Variants in AVEN observed in about 807,000 individuals in gnomAD.
The protein encoded by AVEN is cell death regulator Aven.
A neutral mutation model predicts 38.1 loss-of-function variants in AVEN; 41 were observed. That is an observed-to-expected ratio of 1.08 (90% CI 0.84 to 1.40). The LOEUF (loss-of-function observed/expected upper bound fraction) is 1.40. Among genes scored for constraint, AVEN ranks in the 40% most tolerant of loss-of-function variants. The pLI, the probability that AVEN is intolerant of heterozygous loss-of-function variation, is 0.00. For missense variants in AVEN, 605 were observed against 438.8 expected (o/e 1.38, Z -3.38); for synonymous variants, 206 against 171.8 (o/e 1.20, Z -1.56).
At chr15:33,854,821 ACTT>A (rs1194001031), downstream of AVEN, 3 of 1,613,710 alleles carry the variant, frequency 1.9e-6, no homozygotes, top group South Asian at 1.1e-5. Flanking sequence ...CACTACAATA[ACTT>A]CTTCTTTGCT....
the AVEN span, chr15:33,852,336 CTTAACT>C: frequency 2.0e-5 from 3 of 152,102 alleles, no homozygotes; most frequent in East Asian, 1.9e-4. Flanking sequence ...ACAGTTCTTT[CTTAACT>C]TTAACAGTAA....
At chr15:33,932,377 C>A (rs572139532) in intron 2 of AVEN, among the ~76,000 whole-genome samples, 91 of 152,266 alleles carry the variant, frequency 6.0e-4, no homozygotes, top group Middle Eastern at 3.4e-3. Flanking sequence ...GCCATGAAGA[C>A]AGACATAGTT....
At chr15:34,062,385 C>T (rs972807132) in intron 5 of AVEN, among the ~76,000 whole-genome samples, 1 of 151,958 alleles carries the variant, frequency 6.6e-6, no homozygotes, top group African/African-American at 2.4e-5. Context: ...GAAACCCCGT[C>T]TCTACTAAAA....
chr15:33,867,013 T>G (rs28592828), intron 5 of AVEN, among the ~76,000 whole-genome samples: 1 of 152,162 alleles, frequency 6.6e-6, no homozygotes, highest in South Asian at 2.1e-4. Context: ...TTAAAGGATC[T>G]CAAATGTAAT....
At chr15:34,012,551 A>T (rs1005164516) in intron 1 of AVEN, among the ~76,000 whole-genome samples, 1 of 152,120 alleles carries the variant, frequency 6.6e-6, no homozygotes, top group African/African-American at 2.4e-5. Context: ...TAATGCTGCA[A>T]ATGGCCAGAT....
At chr15:33,875,491 A>T (rs1013998647) in intron 3 of AVEN, among the ~76,000 whole-genome samples, 2 of 152,142 alleles carry the variant, frequency 1.3e-5, no homozygotes, top group South Asian at 2.1e-4. Flanking sequence ...TTATACTTCT[A>T]TTCTCCTAAT....
At chr15:33,864,189 G>C (rs1456505250), downstream of AVEN, 1 of 1,609,258 alleles carries the variant, frequency 6.2e-7, no homozygotes, top group Non-Finnish European at 8.5e-7. Context: ...ACACGGGTCA[G>C]GTGAGAAATT....
chr15:33,988,803 G>A (rs1392278124), intron 2 of AVEN, among the ~76,000 whole-genome samples: 1 of 152,190 alleles, frequency 6.6e-6, no homozygotes, highest in African/African-American at 2.4e-5. Flanking sequence ...CAGCAAGAAG[G>A]ACCATTGTTG....
At chr15:33,862,380 T>A (rs898902782), downstream of AVEN, among the ~76,000 whole-genome samples, 17 of 151,998 alleles carry the variant, frequency 1.1e-4, no homozygotes, top group Admixed American at 5.9e-4. Flanking sequence ...AGCTAATTTT[T>A]TTTTTTGGTA....
At chr15:33,999,733 G>A (rs1897066820) in intron 2 of AVEN, among the ~76,000 whole-genome samples, 1 of 152,040 alleles carries the variant, frequency 6.6e-6, no homozygotes, top group Admixed American at 6.6e-5. Flanking sequence ...ATTATTAGTG[G>A]CTTCCTAACT....
chr15:33,936,914 G>A lies in AVEN; in HGVS notation c.446-60919C>T, dbSNP rs1007047999. ...TGGGAGGCCGAGGCGGGCGGATCAC[G>A]AGGTCAGGAGATCGAGACCATCCTG... On this transcript the variant is annotated intron_variant, in intron 2 of 5. Transcript: ENST00000306730. 8.5e-5 allele frequency among the ~76,000 whole-genome samples: 13 copies of A among 152,054 alleles called. No homozygotes were observed. In the East Asian group the frequency reaches 1.6e-3, roughly 18 times the overall value.
chr15:33,875,857 A>T, intron 3 of AVEN, 68 bp downstream of exon 3: 1 of 1,391,034 alleles, frequency 7.2e-7, no homozygotes, highest in Non-Finnish European at 1.0e-6. Flanking sequence ...TATCTCAAGA[A>T]CGTAAAAGGT....
intron 2 of AVEN, among the ~76,000 whole-genome samples, chr15:33,961,437 C>T (rs545920710): frequency 1.3e-5 from 2 of 152,278 alleles, no homozygotes; most frequent in African/African-American, 4.8e-5. Context: ...ACTGTTCTAA[C>T]GTATCGACTT....
Position 33,866,523 on chromosome 15 carries a change from T to C in AVEN, c.*90A>G, listed in dbSNP as rs770891083. On this transcript the variant is annotated 3_prime_UTR_variant, in exon 6 of 6. Transcript: ENST00000306730. ...GGAACACACTAGCTTGAGACATGCT[T>C]GTAAACTGGCTGGTCCTGAAGGACA... 34 of 907,044 alleles carry C rather than the reference T, an allele frequency of 3.7e-5. No homozygotes were observed. Among genetic ancestry groups the C allele is most frequent in the Non-Finnish European group, 2.6e-5 (15 of 566,180 alleles). The allele number at this position is 907,044 out of a possible 1,614,324, so 56.2% of individuals were successfully genotyped here.
chr15:33,937,330 T>G (rs901648741), intron 2 of AVEN, among the ~76,000 whole-genome samples: 10 of 149,290 alleles, frequency 6.7e-5, no homozygotes, highest in Non-Finnish European at 1.2e-4. Context: ...GTCAGGAGAT[T>G]GAGACCATCC....
chr15:33,926,314 A>G (rs1597238416), intron 2 of AVEN, among the ~76,000 whole-genome samples: 1 of 152,152 alleles, frequency 6.6e-6, no homozygotes. Context: ...AAAGTAGGGA[A>G]AACAAAATAC....
rs532168770 is a variant in AVEN at position 34,071,440 on chromosome 15, A to AT, written n.721-790dup. Among the ~76,000 whole-genome samples the AT allele has an allele frequency of 5.1e-3, 768 of 151,448 alleles. 4 individuals are homozygous for AT. The highest frequency in any genetic ancestry group is 0.016 in the South Asian group (77 of 4,774). On this transcript the variant is annotated intron_variant and non_coding_transcript_variant, in intron 1 of 11. Transcript: ENST00000675287. ...AGGTGCATGCCACCATATCAAGCTAATTTTTTTTTATTTTTAGTAGAGATG... is the reference window on the plus strand; with the variant it reads ...AGGTGCATGCCACCATATCAAGCTAATTTTTTTTTTATTTTTAGTAGAGATG...
At chr15:34,000,927 C>T (rs1292862198) in intron 2 of AVEN, among the ~76,000 whole-genome samples, 1 of 151,904 alleles carries the variant, frequency 6.6e-6, no homozygotes, top group African/African-American at 2.4e-5. Context: ...ATGAGAGACT[C>T]AATCCATGCC....
At chr15:33,937,012 T>A (rs1164717403) in intron 2 of AVEN, among the ~76,000 whole-genome samples, 1 of 148,588 alleles carries the variant, frequency 6.7e-6, no homozygotes, top group Admixed American at 6.7e-5. Context: ...GCGCCTGTAG[T>A]CCCAGCCACT....
Sources: gnomAD v4.1 joint callset for allele counts (sites outside exome capture counted in the v4.1 genomes callset) on GRCh38, gnomAD v4.1.1 for gene constraint, MANE v1.5 for transcripts, NCBI Gene and HGNC (gene_info 2026-07-23, HGNC 2026-07-21) for gene names.